PRIM2: variants seen among roughly 807,000 people sequenced by gnomAD.
PRIM2 encodes the protein DNA primase large subunit.
Under a neutral mutation model 67.3 loss-of-function variants are expected in PRIM2, and 39 were observed. The observed-to-expected ratio is 0.58, with a 90% CI of 0.45 to 0.76. PRIM2 has a LOEUF of 0.76. PRIM2 is among the 30% of genes least tolerant of loss of function. PRIM2 has a pLI of 0.00. For missense variants in PRIM2, 398 were observed against 598.7 expected (o/e 0.66, Z 3.50); for synonymous variants, 143 against 198.7 (o/e 0.72, Z 2.36).
intron 7 of PRIM2, among the ~76,000 whole-genome samples, chr6:57,469,500 G>T (rs1307316737): frequency 6.6e-6 from 1 of 152,190 alleles, no homozygotes; most frequent in Non-Finnish European, 1.5e-5. Flanking sequence ...AGAACACTGT[G>T]ATCTTACGAT....
chr6:57,509,615 G>A (rs1774320026), intron 8 of PRIM2, among the ~76,000 whole-genome samples: 1 of 152,070 alleles, frequency 6.6e-6, no homozygotes, highest in African/African-American at 2.4e-5. Flanking sequence ...GGCCTGGGCT[G>A]TCTGTCTCTT....
the PRIM2 span, among the ~76,000 whole-genome samples, chr6:57,288,985 G>T: frequency 3.9e-5 from 6 of 151,956 alleles, no homozygotes; most frequent in Non-Finnish European, 8.8e-5. Flanking sequence ...GCTTCAGAAG[G>T]TCGGTAATAA....
At chr6:57,522,861 T>A (rs1774655344) in intron 8 of PRIM2, among the ~76,000 whole-genome samples, 1 of 152,240 alleles carries the variant, frequency 6.6e-6, no homozygotes, top group South Asian at 2.1e-4. Flanking sequence ...TTCATTTAAA[T>A]CTCTACTGTT....
chr6:57,534,756 A>G (rs1395905395), intron 9 of PRIM2, among the ~76,000 whole-genome samples: 6 of 152,196 alleles, frequency 3.9e-5, no homozygotes, highest in Admixed American at 1.3e-4. Flanking sequence ...ATTCCGGCTC[A>G]TTCACTTGCT....
At chr6:57,431,451 C>G (rs72873542) in intron 7 of PRIM2, among the ~76,000 whole-genome samples, 2 of 152,114 alleles carry the variant, frequency 1.3e-5, no homozygotes, top group East Asian at 3.9e-4. Flanking sequence ...CCAGGAGTTT[C>G]AGACCAGCCT....
chr6:57,332,418 T>G (rs540864478), intron 5 of PRIM2, among the ~76,000 whole-genome samples: 47 of 152,302 alleles, frequency 3.1e-4, no homozygotes, highest in African/African-American at 1.0e-3. Context: ...AGCTTCGGTT[T>G]CCTTGTTCAT....
the PRIM2 span, among the ~76,000 whole-genome samples, chr6:57,253,804 T>C: frequency 4.6e-5 from 7 of 152,238 alleles, no homozygotes; most frequent in Non-Finnish European, 8.8e-5. Flanking sequence ...TCTGAAACCC[T>C]TGTGCTATTG....
At chr6:57,255,673 C>T in the PRIM2 span, among the ~76,000 whole-genome samples, 1 of 152,042 alleles carries the variant, frequency 6.6e-6, no homozygotes, top group Non-Finnish European at 1.5e-5. Context: ...CAATATACAG[C>T]AATGTCCCAT....
rs1307762617 is a variant in PRIM2 at position 57,562,218 on chromosome 6, T to G, written c.1020+24593T>G. Among the ~76,000 whole-genome samples the G allele has an allele frequency of 5.3e-5, 8 of 152,182 alleles. No individual in the cohort carries two copies. The South Asian group carries it at 8.3e-4, about 16-fold the overall frequency. On this transcript the variant is annotated intron_variant, in intron 10 of 13. Transcript: ENST00000615550. ...GAATGAGATATAATAATGAAAAAGT[T>G]TGAAAAATTAAGAGAATTACCAAAA...
chr6:57,380,106 C>G, intron 6 of PRIM2, 110 bp downstream of exon 6: 1 of 819,782 alleles, frequency 1.2e-6, no homozygotes. Flanking sequence ...CACAGCTACT[C>G]TGTCTCCTGC....
At chr6:57,324,324 G>T (rs762360355) in intron 4 of PRIM2, 44 bp downstream of exon 4, 2 of 1,250,220 alleles carry the variant, frequency 1.6e-6, no homozygotes. Flanking sequence ...TGGTGTCATG[G>T]GTTATAAATT....
chr6:57,450,119 T>A (rs1427960689), intron 7 of PRIM2, among the ~76,000 whole-genome samples: 7 of 152,170 alleles, frequency 4.6e-5, no homozygotes, highest in Non-Finnish European at 1.0e-4. Context: ...TTATCTGTCA[T>A]CCCAGGTGAA....
the PRIM2 span, among the ~76,000 whole-genome samples, chr6:57,277,920 C>A: frequency 2.3e-4 from 35 of 150,804 alleles, no homozygotes; most frequent in African/African-American, 8.5e-4. Flanking sequence ...GGAGGTGGAG[C>A]TTGCAGTGAG....
chr6:57,533,423 C>T (rs1489454324), intron 9 of PRIM2, among the ~76,000 whole-genome samples: 3 of 152,038 alleles, frequency 2.0e-5, no homozygotes, highest in Admixed American at 6.6e-5. Context: ...AGAGAAAGAA[C>T]GTGAGTTTGG....
intron 5 of PRIM2, among the ~76,000 whole-genome samples, chr6:57,363,325 A>G (rs559070861): frequency 2.9e-3 from 440 of 152,328 alleles, no homozygotes; most frequent in Admixed American, 5.2e-3. Context: ...TAGTAATAAA[A>G]TATCATATGT....
the PRIM2 span, among the ~76,000 whole-genome samples, chr6:57,295,232 G>A: frequency 6.6e-6 from 1 of 152,142 alleles, no homozygotes; most frequent in South Asian, 2.1e-4. Flanking sequence ...CTCCACCCCA[G>A]CTGACGTGAC....
the PRIM2 span, among the ~76,000 whole-genome samples, chr6:57,286,305 T>G: frequency 2.0e-5 from 3 of 152,112 alleles, no homozygotes; most frequent in Non-Finnish European, 4.4e-5. Context: ...GCCAAGACAA[T>G]GCTAAGCAAA....
chr6:57,535,839 T>C (rs1390802353), intron 9 of PRIM2, among the ~76,000 whole-genome samples: 3 of 151,376 alleles, frequency 2.0e-5, no homozygotes, highest in African/African-American at 7.3e-5. Context: ...CACTCCAGCC[T>C]GGGCAACAGA....
intron 7 of PRIM2, among the ~76,000 whole-genome samples, chr6:57,402,044 G>A (rs1770729824): frequency 6.6e-6 from 1 of 152,112 alleles, no homozygotes; most frequent in African/African-American, 2.4e-5. Context: ...GGGGGTGGCT[G>A]GAGGCCCAGG....
Sources: gnomAD v4.1 joint callset for allele counts (sites outside exome capture counted in the v4.1 genomes callset) on GRCh38, gnomAD v4.1.1 for gene constraint, MANE v1.5 for transcripts, NCBI Gene and HGNC (gene_info 2026-07-23, HGNC 2026-07-21) for gene names.